CACNA2D1: variants seen among roughly 807,000 people sequenced by gnomAD.
CACNA2D1 encodes calcium voltage-gated channel auxiliary subunit alpha2delta 1.
A neutral mutation model predicts 171.5 loss-of-function variants in CACNA2D1; 53 were observed. That is an observed-to-expected ratio of 0.31 (90% CI 0.25 to 0.39). CACNA2D1 has a LOEUF of 0.39. CACNA2D1 is among the 10% of genes least tolerant of loss of function. The probability of loss-of-function intolerance (pLI) is 1.00; values close to 1 mark genes in which losing one functional copy is unlikely to be tolerated. For missense variants in CACNA2D1, 903 were observed against 1,299.8 expected (o/e 0.69, Z 4.69); for synonymous variants, 442 against 443.1 (o/e 1.00, Z 0.03).
At chr7:82,405,289 T>C (rs961372693) in intron 1 of CACNA2D1, among the ~76,000 whole-genome samples, 3 of 152,212 alleles carry the variant, frequency 2.0e-5, no homozygotes, top group Non-Finnish European at 4.4e-5. Context: ...TAAATGTATG[T>C]ATCAAATCTG....
chr7:82,389,842 T>C (rs567703160), intron 1 of CACNA2D1, among the ~76,000 whole-genome samples: 2 of 152,316 alleles, frequency 1.3e-5, no homozygotes, highest in South Asian at 2.1e-4. Context: ...CATAAATAGA[T>C]GTAATTGTTT....
chr7:82,266,009 A>C (rs1807793252), intron 3 of CACNA2D1, among the ~76,000 whole-genome samples: 1 of 152,178 alleles, frequency 6.6e-6, no homozygotes, highest in Non-Finnish European at 1.5e-5. Flanking sequence ...TAAACTGTCT[A>C]TTTGATCTAC....
intron 1 of CACNA2D1, among the ~76,000 whole-genome samples, chr7:82,363,823 C>T (rs868850427): frequency 6.6e-6 from 1 of 152,208 alleles, no homozygotes; most frequent in African/African-American, 2.4e-5. Flanking sequence ...TGGACTGGGT[C>T]TGATTCTCCA....
intron 3 of CACNA2D1, among the ~76,000 whole-genome samples, chr7:82,204,848 G>A (rs915490367): frequency 6.6e-6 from 1 of 152,154 alleles, no homozygotes; most frequent in Admixed American, 6.5e-5. Context: ...TGGATATGCT[G>A]TGGTCAAGAA....
intron 3 of CACNA2D1, among the ~76,000 whole-genome samples, chr7:82,232,632 G>C (rs752354037): frequency 6.6e-6 from 1 of 151,916 alleles, no homozygotes; most frequent in Non-Finnish European, 1.5e-5. Flanking sequence ...TTGGGAGGCC[G>C]AGGTGGGCAG....
At chr7:82,041,704 C>T (rs1584513565) in intron 10 of CACNA2D1, among the ~76,000 whole-genome samples, 1 of 152,182 alleles carries the variant, frequency 6.6e-6, no homozygotes, top group Non-Finnish European at 1.5e-5. Context: ...TCTTTTATCA[C>T]TCTTCTATTC....
chr7:82,438,786 G>C (rs1259579058), intron 1 of CACNA2D1, among the ~76,000 whole-genome samples: 1 of 152,136 alleles, frequency 6.6e-6, no homozygotes, highest in Non-Finnish European at 1.5e-5. Flanking sequence ...ATAGAACAAA[G>C]TTTGTTCCCC....
intron 38 of CACNA2D1, among the ~76,000 whole-genome samples, chr7:81,957,856 C>G (rs1793606918): frequency 2.0e-5 from 3 of 152,168 alleles, no homozygotes; most frequent in South Asian, 4.1e-4. Context: ...AAGATATAGC[C>G]TCCTAGAATA....
chr7:82,310,447 G>A (rs1356984084), intron 3 of CACNA2D1, among the ~76,000 whole-genome samples: 2 of 151,742 alleles, frequency 1.3e-5, no homozygotes, highest in East Asian at 1.9e-4. Context: ...AAAGTTGAGG[G>A]AAAAGGAGAA....
chr7:82,363,918 C>A (rs1379069682), intron 1 of CACNA2D1, among the ~76,000 whole-genome samples: 1 of 152,052 alleles, frequency 6.6e-6, no homozygotes, highest in African/African-American at 2.4e-5. Context: ...AAACAAGTAG[C>A]CCAAAGGAAT....
At chr7:82,370,572 T>TGGATGGATGGATGGATGGATGGAC (rs35737652) in intron 1 of CACNA2D1, among the ~76,000 whole-genome samples, 137 of 151,172 alleles carry the variant, frequency 9.1e-4, no homozygotes, top group Admixed American at 1.6e-3. Flanking sequence ...GATGGATGGA[T>TGGATGGATGGATGGATGGATGGAC]GGATGGATAG....
chr7:82,303,716 A>G (rs1412930418), intron 3 of CACNA2D1, among the ~76,000 whole-genome samples: 2 of 152,120 alleles, frequency 1.3e-5, no homozygotes, highest in African/African-American at 4.8e-5. Flanking sequence ...AAAATCAACT[A>G]AAGAGGGATT....
intron 15 of CACNA2D1, among the ~76,000 whole-genome samples, chr7:82,008,574 AT>A (rs1453732339): frequency 2.0e-5 from 3 of 152,120 alleles, no homozygotes; most frequent in African/African-American, 2.4e-5. Context: ...AATTTTAACC[AT>A]TTCATGTCAA....
chr7:82,261,330 A>T (rs1807075945), intron 3 of CACNA2D1, among the ~76,000 whole-genome samples: 1 of 152,210 alleles, frequency 6.6e-6, no homozygotes, highest in Non-Finnish European at 1.5e-5. Context: ...ATTGTGTTAT[A>T]GCCTTTCCTC....
At chr7:82,174,042 C>CAAAAAAAAAAA (rs71093365) in intron 3 of CACNA2D1, among the ~76,000 whole-genome samples, 3 of 45,644 alleles carry the variant, frequency 6.6e-5, no homozygotes, top group African/African-American at 1.7e-4. Context: ...GACCCTGTCT[C>CAAAAAAAAAAA]AAAAAAAAAA....
At chr7:82,111,306 A>G (rs954038745) in intron 6 of CACNA2D1, among the ~76,000 whole-genome samples, 9 of 104,344 alleles carry the variant, frequency 8.6e-5, no homozygotes, top group Non-Finnish European at 1.0e-4. Flanking sequence ...ATATATATAT[A>G]TATATATACG....
At chr7:82,292,989 T>C (rs1435195751) in intron 3 of CACNA2D1, among the ~76,000 whole-genome samples, 3 of 151,868 alleles carry the variant, frequency 2.0e-5, no homozygotes, top group African/African-American at 7.3e-5. Flanking sequence ...ATTTTTTTTC[T>C]TTCTTTTCGG....
At chr7:82,176,995 A>G (rs1796599840) in intron 3 of CACNA2D1, among the ~76,000 whole-genome samples, 1 of 151,380 alleles carries the variant, frequency 6.6e-6, no homozygotes, top group Non-Finnish European at 1.5e-5. Context: ...TCATGATGCA[A>G]ATATCTCAAA....
chr7:82,249,837 C>T (rs1489311838), intron 3 of CACNA2D1, among the ~76,000 whole-genome samples: 1 of 152,214 alleles, frequency 6.6e-6, no homozygotes, highest in Non-Finnish European at 1.5e-5. Flanking sequence ...ATCCTATCTA[C>T]ATTTTATGAC....
Sources: gnomAD v4.1 joint callset for allele counts (sites outside exome capture counted in the v4.1 genomes callset) on GRCh38, gnomAD v4.1.1 for gene constraint, MANE v1.5 for transcripts, NCBI Gene and HGNC (gene_info 2026-07-23, HGNC 2026-07-21) for gene names.